Variants in HECW2 observed in about 807,000 individuals in gnomAD.
The protein encoded by HECW2 is E3 ubiquitin-protein ligase HECW2.
Under a neutral mutation model 175.2 loss-of-function variants are expected in HECW2, and 61 were observed. The ratio of observed to expected loss-of-function variants is 0.35; its 90% CI spans 0.28 to 0.43. HECW2 has a LOEUF of 0.43. Among genes scored for constraint, HECW2 ranks in the 20% least tolerant of loss-of-function variants. The pLI is 1.00. For synonymous variants in HECW2, 671 were observed against 731.0 expected (o/e 0.92, Z 1.32); for missense variants, 1,524 against 2,000.5 (o/e 0.76, Z 4.54).
chr2:196,214,790 T>G (rs1326716207), intron 28 of HECW2, among the ~76,000 whole-genome samples: 1 of 152,216 alleles, frequency 6.6e-6, no homozygotes. Flanking sequence ...TCTTAAGAAC[T>G]GGCATCTTTC....
intron 4 of HECW2, among the ~76,000 whole-genome samples, chr2:196,331,938 C>T (rs1242923124): frequency 1.3e-5 from 2 of 152,164 alleles, no homozygotes; most frequent in Non-Finnish European, 2.9e-5. Flanking sequence ...GAAATAAGAA[C>T]GTCAACCAAG....
At chr2:196,389,864 C>T (rs1221303864) in intron 2 of HECW2, among the ~76,000 whole-genome samples, 2 of 152,078 alleles carry the variant, frequency 1.3e-5, no homozygotes, top group Non-Finnish European at 2.9e-5. Flanking sequence ...CTGGGGACCA[C>T]AGACCTCATC....
intron 14 of HECW2, among the ~76,000 whole-genome samples, chr2:196,279,406 C>T (rs545711781): frequency 6.6e-6 from 1 of 152,154 alleles, no homozygotes; most frequent in Admixed American, 6.5e-5. Flanking sequence ...CAGTAAGCCA[C>T]AAAATCCTTC....
At chr2:196,376,635 TAAAA>T (rs33989452) in intron 2 of HECW2, among the ~76,000 whole-genome samples, 2 of 133,082 alleles carry the variant, frequency 1.5e-5, no homozygotes, top group Non-Finnish European at 3.1e-5. Flanking sequence ...GACTCTGTCA[TAAAA>T]AAAAAAAAAA....
chr2:196,582,152 T>C (rs959920679), intron 1 of HECW2, among the ~76,000 whole-genome samples: 3 of 152,094 alleles, frequency 2.0e-5, no homozygotes, highest in Non-Finnish European at 4.4e-5. Flanking sequence ...TAGCAAATCA[T>C]TAGGAAGAAT....
chr2:196,453,170 A>C (rs1338970891), intron 1 of HECW2, among the ~76,000 whole-genome samples: 1 of 152,208 alleles, frequency 6.6e-6, no homozygotes, highest in East Asian at 1.9e-4. Flanking sequence ...CTCTTTAAGG[A>C]CACAGAATTT....
At chr2:196,292,488 AAGGGT>A in intron 14 of HECW2, 72 bp downstream of exon 14, 1 of 1,249,352 alleles carries the variant, frequency 8.0e-7, no homozygotes, top group South Asian at 1.4e-5. Flanking sequence ...CCCTCACTTG[AAGGGT>A]AGGGCCAAGT....
chr2:196,372,353 C>T (rs534792670), intron 2 of HECW2, among the ~76,000 whole-genome samples: 2 of 152,318 alleles, frequency 1.3e-5, no homozygotes, highest in Admixed American at 6.5e-5. Context: ...TGAAGACCTG[C>T]ACTGTGAACA....
At chr2:196,335,175 T>C (rs1559049558) in intron 3 of HECW2, among the ~76,000 whole-genome samples, 5 of 152,230 alleles carry the variant, frequency 3.3e-5, no homozygotes, top group Admixed American at 2.6e-4. Flanking sequence ...AAACAACTGA[T>C]GTCTATATCT....
chr2:196,509,548 A>G (rs546060432), intron 1 of HECW2, among the ~76,000 whole-genome samples: 21 of 152,302 alleles, frequency 1.4e-4, no homozygotes, highest in Admixed American at 1.0e-3. Context: ...CCAGGTATCA[A>G]TCAATCATTA....
chr2:196,507,191 G>GTATATTACACACACACTAATATC (rs1184524999), intron 1 of HECW2, among the ~76,000 whole-genome samples: 1 of 152,166 alleles, frequency 6.6e-6, no homozygotes, highest in Non-Finnish European at 1.5e-5. Context: ...ACACTAATAT[G>GTATATTACACACACACTAATATC]TGTATATTAC....
chr2:196,395,715 T>TTTA lies in HECW2; in HGVS notation c.292+37416_292+37417insTAA, dbSNP rs1553512650. Among the ~76,000 whole-genome samples, 286 of 150,156 alleles carry TTTA rather than the reference T, an allele frequency of 1.9e-3. 1 individual carries two copies. Among genetic ancestry groups the TTTA allele is most frequent in the African/African-American group, 6.0e-3 (246 of 40,908 alleles). ...TTAGGATGACTATGTTTTTTTTTTT[T>TTTA]AAAAAAAGAAAATCATAAATGTTAG... On this transcript the variant is annotated intron_variant, in intron 2 of 28. Coordinates refer to ENST00000644978, the MANE Select transcript of HECW2 (RefSeq NM_001348768.2).
chr2:196,319,607 T>A lies in HECW2; in HGVS notation c.1283A>T (p.His428Leu). Residue 428 changes from histidine to leucine, a missense_variant, in exon 9 of 29, where the codon CAC becomes CTC. His to Leu is a moderately conservative substitution (Grantham distance 99, BLOSUM62 -3). Around this residue, in one of 11 missense-constraint regions of HECW2, gnomAD observed 604 missense variants for 588.3 expected, o/e 1.03. Transcript: ENST00000644978. ...GCAGGTCGCTGTCCCCGGCCTGGAG[T>A]GGCCATTGTGTTCGATAGCATCTAA... Reference protein sequence around the residue: ...DYLDAIEHNGHSRPGTATCSE... With the variant: ...DYLDAIEHNGLSRPGTATCSE... The A allele has an allele frequency of 6.2e-7, 1 of 1,614,094 alleles. No homozygotes were observed. The highest frequency in any genetic ancestry group is 8.5e-7 in the Non-Finnish European group (1 of 1,180,016).
chr2:196,305,502 T>C (rs1295301946), intron 13 of HECW2, among the ~76,000 whole-genome samples: 1 of 152,176 alleles, frequency 6.6e-6, no homozygotes, highest in Non-Finnish European at 1.5e-5. Flanking sequence ...TAGGACTATG[T>C]TGACTTTTAT....
chr2:196,246,567 T>G (rs1457864286), intron 19 of HECW2, among the ~76,000 whole-genome samples: 1 of 151,928 alleles, frequency 6.6e-6, no homozygotes, highest in African/African-American at 2.4e-5. Context: ...TTTTTGTATT[T>G]TTTTAGTAGA....
chr2:196,319,434 C>T lies in HECW2; in HGVS notation c.1456G>A (p.Gly486Arg). 1.2e-6 allele frequency: 2 copies of T among 1,613,792 alleles called. No individual in the cohort carries two copies. Among genetic ancestry groups the T allele is most frequent in the Non-Finnish European group, 1.7e-6 (2 of 1,179,844 alleles). ...GCCCTGCTAAACATGATCAGGCCTC[C>T]CTCCTCCTCCAAGGAAGATGGGTAA... ...LGYPSSLEEE[G>R]GLIMFSRASR... The change falls in exon 9 of 29, where the codon GGA (glycine) becomes AGA (arginine). Residue 486 changes from glycine to arginine, a missense_variant. Gly to Arg is a moderately radical substitution (Grantham distance 125, BLOSUM62 -2). Coordinates refer to ENST00000644978, the MANE Select transcript of HECW2 (RefSeq NM_001348768.2).
intron 1 of HECW2, among the ~76,000 whole-genome samples, chr2:196,541,722 C>T (rs1689222101): frequency 6.9e-6 from 1 of 144,770 alleles, no homozygotes; most frequent in African/African-American, 2.7e-5. Flanking sequence ...TATAAGAAAA[C>T]ATTTAAAGGT....
At chr2:196,374,259 T>C (rs1021844263) in intron 2 of HECW2, among the ~76,000 whole-genome samples, 1 of 152,118 alleles carries the variant, frequency 6.6e-6, no homozygotes, top group African/African-American at 2.4e-5. Context: ...CATGAGATAA[T>C]AAGTGGAAAA....
chr2:196,277,743 T>C (rs1690011261), intron 15 of HECW2, among the ~76,000 whole-genome samples: 1 of 151,938 alleles, frequency 6.6e-6, no homozygotes, highest in Non-Finnish European at 1.5e-5. Context: ...CCAACAATGA[T>C]AGACTGGATT....
Sources: gnomAD v4.1 joint callset for allele counts (sites outside exome capture counted in the v4.1 genomes callset) on GRCh38, gnomAD v4.1.1 for gene constraint, gnomAD v4.1.1 regional missense constraint, MANE v1.5 for transcripts, NCBI Gene and HGNC (gene_info 2026-07-23, HGNC 2026-07-21) for gene names.